Variants in RPL18A observed in about 807,000 individuals in gnomAD.
The protein encoded by RPL18A is ribosomal protein L18a, also known as large ribosomal subunit protein eL20.
For missense variants in RPL18A, 163 were observed against 254.1 expected (o/e 0.64, Z 2.44); for synonymous variants, 122 against 96.9 (o/e 1.26, Z -1.52).
intron 3 of RPL18A, chr19:17,862,552 A>G (rs756121161): frequency 1.4e-6 from 1 of 699,386 alleles, no homozygotes; most frequent in South Asian, 1.4e-5. Context: ...TCCCTGGCTC[A>G]CCTGCCAGGG....
rs760007426 is a variant in RPL18A at position 17,859,929 on chromosome 19, G to A, written c.-28G>A. 17 of 1,543,642 alleles carry A rather than the reference G, an allele frequency of 1.1e-5. No individual in the cohort carries two copies. In the South Asian group the frequency reaches 1.9e-4, roughly 17 times the overall value. ...CGCGACAGAGGACACTTCCTTTTGC[G>A]GGTGGCGGCGAACGCGGAGAGCACG... On this transcript the variant is annotated 5_prime_UTR_variant, in exon 1 of 5. Coordinates refer to ENST00000222247, the MANE Select transcript of RPL18A (RefSeq NM_000980.4).
rs1343525044 is a variant in RPL18A at position 17,862,151 on chromosome 19, T to G, written c.256T>G (p.Ser86Ala). ...CTTCGGGATCTGGCTGCGCTATGACTCCCGGAGCGGCACCCACAACATGTA... is the reference window on the plus strand; with the variant it reads ...CTTCGGGATCTGGCTGCGCTATGACGCCCGGAGCGGCACCCACAACATGTA... ...KNFGIWLRYD[S>A]RSGTHNMYRE... is the part of the protein sequence containing the mutation. Residue 86 changes from serine (S) to alanine (A), a missense_variant, in exon 3 of 5, where the codon TCC (serine) becomes GCC (alanine). By Grantham distance (99) the Ser-to-Ala change is moderately conservative. Transcript: ENST00000222247. 6.2e-7 allele frequency: 1 copy of G among 1,612,778 alleles called. No homozygotes were observed.
At chr19:17,860,529 A>C (rs948825496) in intron 1 of RPL18A, among the ~76,000 whole-genome samples, 5 of 152,210 alleles carry the variant, frequency 3.3e-5, no homozygotes, top group Admixed American at 6.5e-5. Flanking sequence ...CTTGCTGTCA[A>C]AGGGGCGGGC....
At chr19:17,860,309 G>T (rs1350749063) in intron 1 of RPL18A, 4 of 396,580 alleles carry the variant, frequency 1.0e-5, no homozygotes, top group Non-Finnish European at 1.8e-5. Flanking sequence ...CAACGTGGAC[G>T]TGGCGGTAGA....
rs1343086504 is a variant in RPL18A, at chr19:17,862,246, A to G, written c.328+23A>G. ...GCTGTAAGCTGCCTGTCCCGCCTCC[A>G]GCTTTTTAGACCCTCCTTGACTCCC... On this transcript the variant is annotated intron_variant, in intron 3 of 4. Coordinates refer to ENST00000222247, the MANE Select transcript of RPL18A (RefSeq NM_000980.4). The G allele has an allele frequency of 5.0e-6, 8 of 1,611,196 alleles. No individual in the cohort carries two copies. The Admixed American group carries it at 5.0e-5, about 10-fold the overall frequency.
rs1437339603 is a variant in RPL18A, at chr19:17,863,047, C to A, written c.438+20C>A. ...TTCCACGTGAGTGCCCTGGGGGACT[C>A]CCCTGGAGGGAAGTGCCTGCTCTGA... is the stretch of plus-strand genomic sequence containing the variant. On this transcript the variant is annotated intron_variant, in intron 4 of 4. Coordinates refer to ENST00000222247, the MANE Select transcript of RPL18A (RefSeq NM_000980.4). The A allele has an allele frequency of 6.3e-7, 1 of 1,592,590 alleles. No homozygotes were observed. The highest frequency in any genetic ancestry group is 1.7e-5 in the Admixed American group (1 of 59,710).
intron 3 of RPL18A, 142 bp from the exon 4 acceptor site, chr19:17,862,776 C>A: frequency 1.3e-6 from 1 of 762,170 alleles, no homozygotes; most frequent in East Asian, 2.4e-5. Flanking sequence ...TTCCCCACCA[C>A]CACCTTCCCG....
chr19:17,859,949 A>C lies in RPL18A; in HGVS notation c.-8A>C. On this transcript the variant is annotated 5_prime_UTR_variant, in exon 1 of 5. Coordinates refer to ENST00000222247, the MANE Select transcript of RPL18A (RefSeq NM_000980.4). ...TTTGCGGGTGGCGGCGAACGCGGAG[A>C]GCACGCCATGAAGGCCTCGGGCACG... The C allele has an allele frequency of 6.5e-7, 1 of 1,542,646 alleles. No homozygotes were observed. The highest frequency in any genetic ancestry group is 8.7e-7 in the Non-Finnish European group (1 of 1,145,186).
intron 2 of RPL18A, 143 bp downstream of exon 2, chr19:17,861,615 G>A (rs2094277503): frequency 5.9e-6 from 4 of 682,200 alleles, no homozygotes; most frequent in Non-Finnish European, 9.8e-6. Context: ...CAGAGCCCCG[G>A]GTTGTGTTTC....
chr19:17,863,251 C>T lies in RPL18A; in HGVS notation c.519C>T (p.Asn173=). ...CACGCTTCACCACCAAGAGGCCCAA[C>T]ACCTTCTTCTAGGTGCAGGGCCCTC... is the stretch of plus-strand genomic sequence containing the variant. ...HKPRFTTKRP[N]TFF Residue 173 remains asparagine (N), a synonymous_variant, in exon 5 of 5, where the codon AAC becomes AAT. Transcript: ENST00000222247. 3.1e-6 allele frequency: 5 copies of T among 1,591,090 alleles called. No homozygotes were observed. The highest frequency in any genetic ancestry group is 4.3e-6 in the Non-Finnish European group (5 of 1,161,204).
chr19:17,862,985 C>G lies in RPL18A; in HGVS notation c.396C>G (p.Ile132Met), dbSNP rs141247185. The change falls in exon 4 of 5, where the codon ATC becomes ATG. Residue 132 changes from isoleucine (I) to methionine (M), a missense_variant. Coordinates refer to ENST00000222247, the MANE Select transcript of RPL18A (RefSeq NM_000980.4). Reference sequence around the variant, plus strand: ...TTCAGATCATGAAGGTGGAGGAGATCGCGGCCAGCAAGTGCCGCCGGCCGG... The same window carrying G: ...TTCAGATCATGAAGGTGGAGGAGATGGCGGCCAGCAAGTGCCGCCGGCCGG... ...HSIQIMKVEE[I>M]AASKCRRPAV... 1.9e-6 allele frequency: 3 copies of G among 1,612,336 alleles called. No individual in the cohort carries two copies. The highest frequency in any genetic ancestry group is 2.5e-6 in the Non-Finnish European group (3 of 1,179,546).
intron 1 of RPL18A, among the ~76,000 whole-genome samples, chr19:17,860,534 G>C (rs1187708200): frequency 6.6e-6 from 1 of 152,206 alleles, no homozygotes; most frequent in Non-Finnish European, 1.5e-5. Flanking sequence ...TGTCAAAGGG[G>C]CGGGCCCCAT....
intron 2 of RPL18A, 148 bp from the exon 3 acceptor site, chr19:17,861,946 T>C: frequency 1.1e-6 from 1 of 878,530 alleles, no homozygotes; most frequent in Non-Finnish European, 1.7e-6. Flanking sequence ...TGAAGGTAGG[T>C]GGGGCTGGGA....
chr19:17,863,182 C>G lies in RPL18A; in HGVS notation c.450C>G (p.Ile150Met). 6.2e-7 allele frequency: 1 copy of G among 1,612,748 alleles called. No individual in the cohort carries two copies. The highest frequency in any genetic ancestry group is 8.5e-7 in the Non-Finnish European group (1 of 1,179,422). ...PAVKQFHDSK[I>M]KFPLPHRVLR... Reference sequence around the variant, plus strand: ...TCCCTTCCTCACAGGACTCCAAGATCAAGTTCCCGCTGCCCCACCGGGTCC... The same window carrying G: ...TCCCTTCCTCACAGGACTCCAAGATGAAGTTCCCGCTGCCCCACCGGGTCC... Residue 150 changes from isoleucine (I) to methionine (M), a missense_variant, in exon 5 of 5, where the codon ATC (isoleucine) becomes ATG (methionine). Transcript: ENST00000222247.
rs746206728 is a variant in RPL18A, at chr19:17,862,988, G to A, written c.399G>A (p.Ala133=). Residue 133 remains alanine, a synonymous_variant, in exon 4 of 5, where the codon GCG becomes GCA. Coordinates refer to ENST00000222247, the MANE Select transcript of RPL18A (RefSeq NM_000980.4). ...SIQIMKVEEI[A]ASKCRRPAVK... is the part of the protein sequence containing the mutation. ...AGATCATGAAGGTGGAGGAGATCGC[G>A]GCCAGCAAGTGCCGCCGGCCGGCTG... The A allele has an allele frequency of 1.6e-5, 25 of 1,612,224 alleles. No homozygotes were observed. Among genetic ancestry groups the A allele is most frequent in the African/African-American group, 1.2e-4 (9 of 74,872 alleles).
At position 17,862,918 on chromosome 19, in the gene RPL18A, A is replaced by T. The variant is rs533175746; in HGVS notation, c.329A>T (p.Tyr110Phe). 1 of 1,609,620 alleles carries T rather than the reference A, an allele frequency of 6.2e-7. No homozygotes were observed. Among genetic ancestry groups the T allele is most frequent in the East Asian group, 2.2e-5 (1 of 44,848 alleles). Residue 110 changes from tyrosine to phenylalanine, a missense_variant and splice_region_variant, in exon 4 of 5, where the codon TAC becomes TTC. Transcript: ENST00000222247. The stretch of plus-strand genomic sequence containing the variant: ...ACCCTGGCCCCGCTCCTTTCCACAG[A>T]CCGAGACATGGGTGCCCGGCACCGC... ...LTTAGAVTQC[Y>F]RDMGARHRAR...
Position 17,862,678 on chromosome 19 carries a change from C to T in RPL18A, c.329-240C>T, listed in dbSNP as rs375559167. 1.3e-5 allele frequency: 10 copies of T among 753,336 alleles called. No individual in the cohort carries two copies. In the African/African-American group the frequency reaches 1.5e-4, roughly 11 times the overall value. 46.7% of individuals were successfully genotyped at this position (753,336 alleles called of 1,614,324 possible). ...AGCGGATCTTGTCGCCTTTGGGGGG[C>T]TGTGGCCGTGCCCCTCAAAGTGAAT... On this transcript the variant is annotated intron_variant, in intron 3 of 4. Coordinates refer to ENST00000222247, the MANE Select transcript of RPL18A (RefSeq NM_000980.4).
intron 2 of RPL18A, 146 bp from the exon 3 acceptor site, chr19:17,861,948 G>T: frequency 1.1e-6 from 1 of 904,844 alleles, no homozygotes; most frequent in South Asian, 1.8e-5. Context: ...AAGGTAGGTG[G>T]GGCTGGGAAA....
rs369834812 is a variant in RPL18A at position 17,861,098 on chromosome 19, C to G, written c.19-195C>G. 1.5e-5 allele frequency: 9 copies of G among 593,146 alleles called. No individual in the cohort carries two copies. In the African/African-American group the frequency reaches 1.7e-4, roughly 11 times the overall value. 36.7% of individuals were successfully genotyped at this position (593,146 alleles called of 1,614,324 possible). A position where few individuals can be genotyped will look rare whatever the true frequency, so the allele number is the denominator to read the frequency against. ...TAATCCTCCCTGGAGACCTCCCTCT[C>G]CTCAGTTCATTTTGTGTATAAAGTT... is the stretch of plus-strand genomic sequence containing the variant. On this transcript the variant is annotated intron_variant, in intron 1 of 4. Transcript: ENST00000222247.
Sources: allele counts gnomAD v4.1 joint callset (sites outside exome capture counted in the v4.1 genomes callset), GRCh38; gene constraint gnomAD v4.1.1; transcripts MANE v1.5; gene names NCBI Gene and HGNC (gene_info 2026-07-23, HGNC 2026-07-21).